TARS3: variants seen among roughly 807,000 people sequenced by gnomAD.
TARS3 encodes the protein threonine--tRNA ligase 2, cytoplasmic.
A neutral mutation model predicts 103.5 loss-of-function variants in TARS3; 94 were observed. The ratio of observed to expected loss-of-function variants is 0.91; its 90% CI spans 0.77 to 1.08. The LOEUF (loss-of-function observed/expected upper bound fraction) is 1.08, where lower values mean the gene tolerates loss of function less well. TARS3 is among the 50% of genes least tolerant of loss of function. The pLI is 0.00. For missense variants in TARS3, 952 were observed against 995.2 expected (o/e 0.96, Z 0.58); for synonymous variants, 416 against 355.4 (o/e 1.17, Z -1.92).
At chr15:101,674,804 C>CA (rs56149602) in intron 13 of TARS3, among the ~76,000 whole-genome samples, 330 of 119,822 alleles carry the variant, frequency 2.8e-3, no homozygotes, top group African/African-American at 4.5e-3. Flanking sequence ...GACTCCGTCT[C>CA]AAAAAAAAAA....
Position 101,701,101 on chromosome 15 carries a change from A to G in TARS3, c.1305T>C (p.Leu435=), listed in dbSNP as rs1238830630. The G allele has an allele frequency of 6.4e-7, 1 of 1,570,602 alleles. No individual in the cohort carries two copies. The highest frequency in any genetic ancestry group is 1.4e-5 in the African/African-American group (1 of 72,542). ...LPRGAFIYNT[L]TDFIREEYHK... ...GTTAACTTACTCGTATGAAATCTGT[A>G]AGCGTATTATAAATGAAGGCTCCTC... The change falls in exon 10 of 19, where the codon CTT becomes CTC. Residue 435 remains leucine, a synonymous_variant. Transcript: ENST00000335968.
intron 6 of TARS3, 70 bp from the exon 7 acceptor site, chr15:101,705,817 T>C (rs553474644): frequency 3.1e-6 from 4 of 1,289,396 alleles, no homozygotes; most frequent in South Asian, 1.3e-5. Context: ...TCTACTTTTC[T>C]TCAAGAAACA....
chr15:101,660,465 T>C (rs1245564854), intron 16 of TARS3, among the ~76,000 whole-genome samples: 4 of 152,248 alleles, frequency 2.6e-5, no homozygotes, highest in South Asian at 2.1e-4. Context: ...ATCTCTTTCA[T>C]AGTCAGAAGC....
chr15:101,669,372 A>G (rs1897708691), intron 15 of TARS3, among the ~76,000 whole-genome samples: 2 of 152,356 alleles, frequency 1.3e-5, no homozygotes, highest in African/African-American at 2.4e-5. Flanking sequence ...TCAAAAATGT[A>G]TAAAGTAAAA....
At position 101,671,760 on chromosome 15, in the gene TARS3, G is replaced by T. The variant is rs1467313316; in HGVS notation, c.1789-12C>A. 4 of 1,602,860 alleles carry T rather than the reference G, an allele frequency of 2.5e-6. No homozygotes were observed. The highest frequency in any genetic ancestry group is 3.4e-6 in the Non-Finnish European group (4 of 1,175,710). ...CTGTTCTGCAGTTGCTTTTTCAAAA[G>T]AAGAAAAAAGATACAATTATACACT... On this transcript the variant is annotated splice_polypyrimidine_tract_variant and intron_variant, in intron 13 of 18. Coordinates refer to ENST00000335968, the MANE Select transcript of TARS3 (RefSeq NM_152334.3).
chr15:101,697,154 T>C (rs957035636), intron 10 of TARS3, among the ~76,000 whole-genome samples: 3 of 152,236 alleles, frequency 2.0e-5, no homozygotes, highest in African/African-American at 7.2e-5. Flanking sequence ...TTCTGGTTTC[T>C]GCCAGAAGCT....
rs371399210 is a variant in TARS3 at position 101,672,511 on chromosome 15, G to T, written c.1789-763C>A. Among the ~76,000 whole-genome samples the T allele has an allele frequency of 2.3e-4, 35 of 152,244 alleles. 1 individual carries two copies. The East Asian group carries it at 5.2e-3, about 23-fold the overall frequency. On this transcript the variant is annotated intron_variant, in intron 13 of 18. Coordinates refer to ENST00000335968, the MANE Select transcript of TARS3 (RefSeq NM_152334.3). ...ACCTCCAACATACGGGTGCCCATGAGGGGGCAGACTTGGGAGTGACGCGCC... is the reference window on the plus strand; with the variant it reads ...ACCTCCAACATACGGGTGCCCATGATGGGGCAGACTTGGGAGTGACGCGCC...
intron 15 of TARS3, among the ~76,000 whole-genome samples, chr15:101,662,022 C>T (rs1196792325): frequency 6.6e-6 from 1 of 152,114 alleles, no homozygotes; most frequent in African/African-American, 2.4e-5. Flanking sequence ...TTAGAGCGCA[C>T]TGAAACATAT....
intron 15 of TARS3, among the ~76,000 whole-genome samples, chr15:101,665,258 A>G (rs1386353389): frequency 6.6e-6 from 1 of 152,256 alleles, no homozygotes; most frequent in African/African-American, 2.4e-5. Flanking sequence ...AGACTTGAAT[A>G]AGTCCACAGA....
chr15:101,713,341 G>A (rs1371248245), intron 4 of TARS3, among the ~76,000 whole-genome samples: 2 of 152,176 alleles, frequency 1.3e-5, no homozygotes, highest in Non-Finnish European at 2.9e-5. Context: ...AGACCATGCA[G>A]GCCTTGGGGA....
chr15:101,682,535 G>C (rs1295303812), intron 12 of TARS3, among the ~76,000 whole-genome samples: 1 of 151,962 alleles, frequency 6.6e-6, no homozygotes, highest in Non-Finnish European at 1.5e-5. Flanking sequence ...TACTAGATTT[G>C]ACTTAGTAAA....
chr15:101,703,875 G>T lies in TARS3; in HGVS notation c.1058C>A (p.Thr353Asn), dbSNP rs200098224. 27 of 1,612,268 alleles carry T rather than the reference G, an allele frequency of 1.7e-5. No individual in the cohort carries two copies. In the East Asian group the frequency reaches 5.6e-4, roughly 33 times the overall value. Residue 353 changes from threonine (T) to asparagine (N), a missense_variant, in exon 8 of 19, where the codon ACC becomes AAC. Thr to Asn is a moderately conservative substitution (Grantham distance 65, BLOSUM62 0). Coordinates refer to ENST00000335968, the MANE Select transcript of TARS3 (RefSeq NM_152334.3). Reference protein sequence around the residue: ...PHVRHTGKIKTIKIFKNSSTY... With the variant: ...PHVRHTGKIKNIKIFKNSSTY... Reference sequence around the variant, plus strand: ...AATCCTTACCTTAAAAATTTTGATGGTTTTAATTTTTCCAGTGTGTCTTAC... The same window carrying T: ...AATCCTTACCTTAAAAATTTTGATGTTTTTAATTTTTCCAGTGTGTCTTAC...
rs1036844750 is a variant in TARS3, at chr15:101,654,392, C to G, written c.*190G>C. ...GAAAATTTCCCACGTGCCCTCTAAA[C>G]GTCCCCCGTGGACATGAGTAAATTA... On this transcript the variant is annotated 3_prime_UTR_variant, in exon 19 of 19. Coordinates refer to ENST00000335968, the MANE Select transcript of TARS3 (RefSeq NM_152334.3). 5 of 543,094 alleles carry G rather than the reference C, an allele frequency of 9.2e-6. No homozygotes were observed. Among genetic ancestry groups the G allele is most frequent in the South Asian group, 7.1e-5 (2 of 28,010 alleles). The allele number at this position is 543,094 out of a possible 1,614,324, so 33.6% of individuals were successfully genotyped here.
intron 10 of TARS3, among the ~76,000 whole-genome samples, chr15:101,699,147 G>C (rs1216778211): frequency 6.6e-6 from 1 of 152,094 alleles, no homozygotes; most frequent in Non-Finnish European, 1.5e-5. Context: ...TATGGGAAGT[G>C]ACACAACCAT....
At chr15:101,707,181 C>A in intron 6 of TARS3, among the ~76,000 whole-genome samples, 1 of 151,512 alleles carries the variant, frequency 6.6e-6, no homozygotes, top group East Asian at 1.9e-4. Flanking sequence ...AAAAAAAAAA[C>A]AAAACAAGTG....
chr15:101,697,782 T>C (rs1378412965), intron 10 of TARS3, among the ~76,000 whole-genome samples: 4 of 152,174 alleles, frequency 2.6e-5, no homozygotes, highest in African/African-American at 9.7e-5. Context: ...GTGTGCTTTG[T>C]AGACCCTTTC....
chr15:101,698,747 G>T (rs775856769), intron 10 of TARS3, among the ~76,000 whole-genome samples: 2 of 152,200 alleles, frequency 1.3e-5, no homozygotes, highest in African/African-American at 4.8e-5. Flanking sequence ...AACTGCACCC[G>T]AGGAGCCTCA....
chr15:101,685,861 C>A, intron 11 of TARS3, 35 bp downstream of exon 11: 1 of 1,569,316 alleles, frequency 6.4e-7, no homozygotes. Flanking sequence ...GCTATGTGCT[C>A]TCATGAAAAG....
chr15:101,724,298 C>A lies in TARS3; in HGVS notation c.90G>T (p.Glu30Asp). The change falls in exon 1 of 19, where the codon GAG (glutamate) becomes GAT (aspartate). Residue 30 changes from glutamate (E) to aspartate (D), a missense_variant. Glu to Asp is a conservative substitution (Grantham distance 45). This residue lies in a region of TARS3 where 412 missense variants were observed against 364.2 expected (regional missense o/e 1.13). Coordinates refer to ENST00000335968, the MANE Select transcript of TARS3 (RefSeq NM_152334.3). ...EDIRWLWSEV[E>D]RLRDEQLNAP... is the part of the protein sequence containing the mutation. The stretch of plus-strand genomic sequence containing the variant: ...CGTTCAGCTGCTCGTCCCTCAGGCG[C>A]TCGACCTCCGACCACAGCCAGCGGA... 1 of 1,573,060 alleles carries A rather than the reference C, an allele frequency of 6.4e-7. No individual in the cohort carries two copies. Among genetic ancestry groups the A allele is most frequent in the Admixed American group, 1.8e-5 (1 of 56,508 alleles).
Sources: gnomAD v4.1 joint callset for allele counts (sites outside exome capture counted in the v4.1 genomes callset) on GRCh38, gnomAD v4.1.1 for gene constraint, gnomAD v4.1.1 regional missense constraint, MANE v1.5 for transcripts, NCBI Gene and HGNC (gene_info 2026-07-23, HGNC 2026-07-21) for gene names.